The following ALPL variants were observed in gnomAD, a reference collection of about 807,000 sequenced individuals.
ALPL encodes alkaline phosphatase, tissue-nonspecific isozyme.
Under a neutral mutation model 51.3 loss-of-function variants are expected in ALPL, and 42 were observed. That is an observed-to-expected ratio of 0.82 (90% CI 0.64 to 1.06). ALPL has a LOEUF of 1.06. Among genes scored for constraint, ALPL ranks in the 50% least tolerant of loss-of-function variants. The pLI, the probability that ALPL is intolerant of heterozygous loss-of-function variation, is 0.00. For missense variants in ALPL, 589 were observed against 709.4 expected (o/e 0.83, Z 1.93); for synonymous variants, 279 against 296.4 (o/e 0.94, Z 0.60).
At position 21,570,959 on chromosome 1, in the gene ALPL, C is replaced by A. The variant is rs571760292; in HGVS notation, c.862+585C>A. On this transcript the variant is annotated intron_variant, in intron 8 of 11. Transcript: ENST00000374840. Reference sequence around the variant, plus strand: ...GTGGCAAAATCTCCTGCAGACATTTCCCAAGGAACACAGCTCCGCGTCCTG... The same window carrying A: ...GTGGCAAAATCTCCTGCAGACATTTACCAAGGAACACAGCTCCGCGTCCTG... Among the ~76,000 whole-genome samples, 18 of 152,348 alleles carry A rather than the reference C, an allele frequency of 1.2e-4. No individual in the cohort carries two copies. The South Asian group carries it at 2.9e-3, about 25-fold the overall frequency.
chr1:21,562,355 A>G (rs1408185284), intron 4 of ALPL, among the ~76,000 whole-genome samples: 1 of 152,232 alleles, frequency 6.6e-6, no homozygotes, highest in Non-Finnish European at 1.5e-5. Flanking sequence ...TGTGGAGTAC[A>G]CTAAAATGAG....
chr1:21,554,808 TCTG>T (rs1558543830), intron 2 of ALPL, among the ~76,000 whole-genome samples: 1,196 of 17,102 alleles, frequency 0.07, 13 homozygotes, highest in Admixed American at 0.099. Context: ...TGTCTGTCTG[TCTG>T]TCTGTCTTTC....
chr1:21,519,273 C>A (rs377623559), intron 1 of ALPL, among the ~76,000 whole-genome samples: 1 of 152,238 alleles, frequency 6.6e-6, no homozygotes, highest in Admixed American at 6.5e-5. Context: ...CTACCCCACA[C>A]CTGGGGTGGG....
chr1:21,568,504 G>A (rs570500252), intron 7 of ALPL, among the ~76,000 whole-genome samples: 1 of 152,186 alleles, frequency 6.6e-6, no homozygotes, highest in Admixed American at 6.5e-5. Context: ...TGGACATTGA[G>A]TCACCCTGAG....
intron 1 of ALPL, among the ~76,000 whole-genome samples, chr1:21,531,226 G>A (rs899791425): frequency 8.5e-5 from 13 of 152,070 alleles, no homozygotes; most frequent in Middle Eastern, 3.4e-3. Flanking sequence ...CCCAAAGTGC[G>A]GGATTACAGG....
chr1:21,536,732 G>C (rs1440646802), intron 1 of ALPL, among the ~76,000 whole-genome samples: 1 of 151,958 alleles, frequency 6.6e-6, no homozygotes, highest in Non-Finnish European at 1.5e-5. Flanking sequence ...AAGGGGGAGG[G>C]TCACTTCCCA....
intron 2 of ALPL, among the ~76,000 whole-genome samples, chr1:21,557,754 A>T (rs1644431736): frequency 6.6e-6 from 1 of 152,096 alleles, no homozygotes; most frequent in Admixed American, 6.6e-5. Flanking sequence ...CTTCAATTAG[A>T]TATAACTTAC....
At chr1:21,540,561 CA>C (rs1644169390) in intron 1 of ALPL, among the ~76,000 whole-genome samples, 1 of 152,202 alleles carries the variant, frequency 6.6e-6, no homozygotes, top group African/African-American at 2.4e-5. Context: ...ATGAGGCATG[CA>C]GAGGGCCTGC....
At chr1:21,570,458 C>A in intron 8 of ALPL, 84 bp downstream of exon 8, 3 of 1,434,572 alleles carry the variant, frequency 2.1e-6, no homozygotes, top group Middle Eastern at 2.0e-4. Flanking sequence ...GGGGACAAGG[C>A]CCTAGCCTGA....
At chr1:21,534,606 C>T (rs1006054505) in intron 1 of ALPL, among the ~76,000 whole-genome samples, 4 of 152,090 alleles carry the variant, frequency 2.6e-5, no homozygotes, top group African/African-American at 9.7e-5. Context: ...TGAACTCTAG[C>T]CCCCCACCGC....
chr1:21,561,228 A>G lies in ALPL; in HGVS notation c.297+16A>G. On this transcript the variant is annotated intron_variant, in intron 4 of 11. Coordinates refer to ENST00000374840, the MANE Select transcript of ALPL (RefSeq NM_000478.6). The stretch of plus-strand genomic sequence containing the variant: ...CCTCTCCAAGGTGAGCCCCATCCCC[A>G]AGCCCAGTTCAGGTCTGTATATCCA... The G allele has an allele frequency of 1.3e-6, 2 of 1,589,056 alleles. No homozygotes were observed. The highest frequency in any genetic ancestry group is 1.7e-6 in the Non-Finnish European group (2 of 1,165,638).
intron 10 of ALPL, 63 bp downstream of exon 10, chr1:21,575,987 G>C (rs1644726410): frequency 1.9e-6 from 3 of 1,587,924 alleles, no homozygotes; most frequent in South Asian, 1.1e-5. Flanking sequence ...CTGGGAGCAG[G>C]AGTGGGTGGG....
At chr1:21,553,699 G>C (rs1325107257) in intron 1 of ALPL, among the ~76,000 whole-genome samples, 1 of 152,220 alleles carries the variant, frequency 6.6e-6, no homozygotes, top group Non-Finnish European at 1.5e-5. Flanking sequence ...GGGAGGTAGG[G>C]GGCTTCAGAT....
chr1:21,564,073 G>T lies in ALPL; in HGVS notation c.505G>T (p.Val169Leu). ...TGTGGGCATTGTGACCACCACGAGA[G>T]TGAACCATGCCACCCCCAGCGCCGC... is the stretch of plus-strand genomic sequence containing the variant. ...KSVGIVTTTR[V>L]NHATPSAAYA... The change falls in exon 6 of 12, where the codon GTG (valine) becomes TTG (leucine). Residue 169 changes from valine (V) to leucine (L), a missense_variant. Transcript: ENST00000374840. The surrounding 1 kb of genome is among the most constrained non-coding windows in gnomAD (Gnocchi z 5.8). The T allele has an allele frequency of 1.2e-6, 2 of 1,614,044 alleles. No homozygotes were observed. The highest frequency in any genetic ancestry group is 1.7e-6 in the Non-Finnish European group (2 of 1,180,008).
chr1:21,525,425 C>CT (rs1643928959), intron 1 of ALPL, among the ~76,000 whole-genome samples: 1 of 152,224 alleles, frequency 6.6e-6, no homozygotes, highest in Admixed American at 6.5e-5. Context: ...TTTGTCCCAT[C>CT]TACCTGGAGA....
At chr1:21,513,396 TAAG>T (rs1220075168) in intron 1 of ALPL, among the ~76,000 whole-genome samples, 1 of 152,204 alleles carries the variant, frequency 6.6e-6, no homozygotes, top group Non-Finnish European at 1.5e-5. Context: ...AATCATTGTT[TAAG>T]GGAGGATGCA....
chr1:21,574,263 T>C (rs957006150), intron 9 of ALPL: 6 of 954,900 alleles, frequency 6.3e-6, no homozygotes, highest in African/African-American at 3.5e-5. Flanking sequence ...GACCTCTACC[T>C]GTGCACTTCT....
chr1:21,573,269 A>T (rs1160240216), intron 8 of ALPL, among the ~76,000 whole-genome samples: 1 of 152,112 alleles, frequency 6.6e-6, no homozygotes, highest in Non-Finnish European at 1.5e-5. Flanking sequence ...CCCTGTCTCT[A>T]CTTAAAATAC....
Position 21,577,590 on chromosome 1 carries a change from T to A in ALPL, c.1517T>A (p.Leu506His). ...GCTCCTGCCAGCTCGGCAGGCAGCCTTGCTGCAGGCCCCCTGCTGCTCGCG... is the reference window on the plus strand; with the variant it reads ...GCTCCTGCCAGCTCGGCAGGCAGCCATGCTGCAGGCCCCCTGCTGCTCGCG... ...HCAPASSAGS[L>H]AAGPLLLALA... Residue 506 changes from leucine to histidine, a missense_variant, in exon 12 of 12, where the codon CTT (leucine) becomes CAT (histidine). Transcript: ENST00000374840. 1.9e-6 allele frequency: 3 copies of A among 1,602,002 alleles called. No homozygotes were observed. The highest frequency in any genetic ancestry group is 1.7e-6 in the Non-Finnish European group (2 of 1,179,736).
Sources: gnomAD v4.1 joint callset for allele counts (sites outside exome capture counted in the v4.1 genomes callset) on GRCh38, gnomAD v4.1.1 for gene constraint, Gnocchi (gnomAD v3.1) non-coding constraint, MANE v1.5 for transcripts, NCBI Gene and HGNC (gene_info 2026-07-23, HGNC 2026-07-21) for gene names.